CEP128: variants seen among roughly 807,000 people sequenced by gnomAD.
CEP128 encodes centrosomal protein 128.
In CEP128, 132 loss-of-function variants were observed where a neutral mutation model predicts 156.7. The observed-to-expected ratio is 0.84, with a 90% CI of 0.73 to 0.97. CEP128 has a LOEUF of 0.97. CEP128 is among the 50% of genes least tolerant of loss of function. The probability of loss-of-function intolerance (pLI) is 0.00; values close to 1 mark genes in which losing one functional copy is unlikely to be tolerated. For synonymous variants in CEP128, 469 were observed against 448.9 expected (o/e 1.04, Z -0.57); for missense variants, 1,252 against 1,281.9 (o/e 0.98, Z 0.36).
At chr14:80,846,241 A>G (rs1358629312) in intron 9 of CEP128, among the ~76,000 whole-genome samples, 1 of 152,200 alleles carries the variant, frequency 6.6e-6, no homozygotes, top group Non-Finnish European at 1.5e-5. Context: ...CACAACTCAC[A>G]GTAGCAATCA....
At chr14:80,545,692 T>C (rs1173903313) in intron 21 of CEP128, among the ~76,000 whole-genome samples, 1 of 151,852 alleles carries the variant, frequency 6.6e-6, no homozygotes. Flanking sequence ...AAAGAAAAAA[T>C]ACTGGGGAGA....
At chr14:80,893,393 T>C (rs1889195364) in intron 8 of CEP128, among the ~76,000 whole-genome samples, 1 of 151,622 alleles carries the variant, frequency 6.6e-6, no homozygotes, top group African/African-American at 2.4e-5. Context: ...ATATGTAGGA[T>C]GAACAAGTCT....
intron 19 of CEP128, among the ~76,000 whole-genome samples, chr14:80,712,000 T>C (rs1266718880): frequency 2.0e-5 from 3 of 152,188 alleles, no homozygotes; most frequent in Non-Finnish European, 4.4e-5. Flanking sequence ...AATTTGTTCC[T>C]TGTAATCTAA....
At chr14:80,696,736 T>G (rs1784012935) in intron 19 of CEP128, among the ~76,000 whole-genome samples, 2 of 152,110 alleles carry the variant, frequency 1.3e-5, no homozygotes, top group Non-Finnish European at 2.9e-5. Flanking sequence ...CACGTCAGAT[T>G]TCAGTAGGTT....
chr14:80,686,790 A>G (rs548752027), intron 19 of CEP128, among the ~76,000 whole-genome samples: 2 of 151,972 alleles, frequency 1.3e-5, no homozygotes, highest in African/African-American at 4.8e-5. Flanking sequence ...GTTTCTGACA[A>G]AACAACCAAC....
At chr14:80,530,920 T>C in intron 21 of CEP128, 34 bp from the exon 22 acceptor site, 1 of 1,413,278 alleles carries the variant, frequency 7.1e-7, no homozygotes, top group Non-Finnish European at 9.8e-7. Context: ...CCAAACATTA[T>C]AAAAAATTGA....
At chr14:80,637,885 A>G (rs1411568025) in intron 19 of CEP128, among the ~76,000 whole-genome samples, 1 of 152,200 alleles carries the variant, frequency 6.6e-6, no homozygotes, top group Non-Finnish European at 1.5e-5. Context: ...ACGTGGCCAC[A>G]AGTCAAGAAA....
chr14:80,678,049 A>AAATATATATATATAT lies in CEP128; in HGVS notation c.2806+65025_2806+65026insATATATATATATATT. ...ATGGACAGTTGCTCTATAAAAAAAAAATATATATATATATGTATATATATA... is the reference window on the plus strand; with the variant it reads ...ATGGACAGTTGCTCTATAAAAAAAAAAATATATATATATATATATATATATATATGTATATATATA... On this transcript the variant is annotated intron_variant, in intron 19 of 24. Coordinates refer to ENST00000555265, the MANE Select transcript of CEP128 (RefSeq NM_152446.5). Among the ~76,000 whole-genome samples, 122 of 98,490 alleles carry AAATATATATATATAT rather than the reference A, an allele frequency of 1.2e-3. 2 individuals are homozygous for AAATATATATATATAT. Among genetic ancestry groups the AAATATATATATATAT allele is most frequent in the African/African-American group, 2.9e-3 (92 of 31,758 alleles). The allele number at this position is 98,490 out of a possible 152,430, so 64.6% of individuals were successfully genotyped here.
At chr14:80,889,526 G>A (rs1462576293) in intron 8 of CEP128, among the ~76,000 whole-genome samples, 2 of 152,152 alleles carry the variant, frequency 1.3e-5, no homozygotes, top group Admixed American at 6.5e-5. Flanking sequence ...AAGAAATGGA[G>A]AAAGGATTTC....
chr14:80,829,008 C>T (rs924717344), intron 13 of CEP128, among the ~76,000 whole-genome samples: 1 of 152,242 alleles, frequency 6.6e-6, no homozygotes, highest in Non-Finnish European at 1.5e-5. Context: ...AGGTTACAAT[C>T]GAGTAATCTA....
At chr14:80,717,173 G>A (rs1897637593) in intron 19 of CEP128, among the ~76,000 whole-genome samples, 1 of 152,166 alleles carries the variant, frequency 6.6e-6, no homozygotes, top group Non-Finnish European at 1.5e-5. Flanking sequence ...GTATGGTAGT[G>A]CACACAAGTT....
At chr14:80,627,478 G>A (rs1450259501) in intron 19 of CEP128, among the ~76,000 whole-genome samples, 1 of 152,178 alleles carries the variant, frequency 6.6e-6, no homozygotes, top group African/African-American at 2.4e-5. Flanking sequence ...AATGCTGTTG[G>A]CAGGACATTG....
chr14:80,737,749 G>T (rs887014033), intron 19 of CEP128, among the ~76,000 whole-genome samples: 7 of 151,990 alleles, frequency 4.6e-5, no homozygotes, highest in African/African-American at 1.7e-4. Context: ...CATTAGCCAG[G>T]CATGGTGGCA....
At chr14:80,750,365 A>C (rs1230939731) in intron 18 of CEP128, among the ~76,000 whole-genome samples, 2 of 151,780 alleles carry the variant, frequency 1.3e-5, no homozygotes, top group African/African-American at 4.8e-5. Context: ...TCTCATCTCC[A>C]ACTGTTTTCC....
intron 9 of CEP128, among the ~76,000 whole-genome samples, chr14:80,844,981 A>G (rs565837557): frequency 6.6e-6 from 1 of 152,230 alleles, no homozygotes; most frequent in South Asian, 2.1e-4. Flanking sequence ...TTAATCACCA[A>G]TTCCCTTTGC....
chr14:80,771,030 A>G (rs1418807481), intron 16 of CEP128, among the ~76,000 whole-genome samples: 1 of 152,214 alleles, frequency 6.6e-6, no homozygotes, highest in Non-Finnish European at 1.5e-5. Context: ...ATCATCAAAA[A>G]ATAGCAATCC....
chr14:80,930,430 T>C (rs931718386), intron 2 of CEP128, among the ~76,000 whole-genome samples: 1 of 152,096 alleles, frequency 6.6e-6, no homozygotes, highest in African/African-American at 2.4e-5. Flanking sequence ...AAGCTACCCC[T>C]AGCCAAAATG....
At chr14:80,646,630 C>T (rs1366223919) in intron 19 of CEP128, among the ~76,000 whole-genome samples, 2 of 151,912 alleles carry the variant, frequency 1.3e-5, no homozygotes, top group East Asian at 3.9e-4. Context: ...TCATACTATA[C>T]ATTCAATACT....
chr14:80,689,355 T>C (rs1304195861), intron 19 of CEP128, among the ~76,000 whole-genome samples: 1 of 138,898 alleles, frequency 7.2e-6, no homozygotes, highest in East Asian at 2.1e-4. Context: ...ATAGTCTAAA[T>C]AGGAGGAGAT....
Sources: allele counts gnomAD v4.1 joint callset (sites outside exome capture counted in the v4.1 genomes callset), GRCh38; gene constraint gnomAD v4.1.1; transcripts MANE v1.5; gene names NCBI Gene and HGNC (gene_info 2026-07-23, HGNC 2026-07-21).